PDE4D: variants seen among roughly 807,000 people sequenced by gnomAD.
PDE4D encodes 3',5'-cyclic-AMP phosphodiesterase 4D.
A neutral mutation model predicts 87.4 loss-of-function variants in PDE4D; 24 were observed. That is an observed-to-expected ratio of 0.27 (90% CI 0.20 to 0.39). PDE4D has a LOEUF of 0.39. Ranked by LOEUF, PDE4D falls within the 10% of genes least tolerant of loss-of-function variation. PDE4D has a pLI of 1.00. For missense variants in PDE4D, 714 were observed against 1,041.0 expected (o/e 0.69, Z 4.32); for synonymous variants, 384 against 383.2 (o/e 1.00, Z -0.02).
intron 1 of PDE4D, among the ~76,000 whole-genome samples, chr5:59,358,261 A>T (rs1339867885): frequency 1.3e-5 from 2 of 152,202 alleles, no homozygotes; most frequent in African/African-American, 4.8e-5. Flanking sequence ...GAGCTCAAAG[A>T]AAGTGGGTGA....
At chr5:60,292,914 A>G (rs1166272768) in intron 1 of PDE4D, among the ~76,000 whole-genome samples, 1 of 152,184 alleles carries the variant, frequency 6.6e-6, no homozygotes. Context: ...CTCTATTATG[A>G]CATGGTCCAA....
intron 1 of PDE4D, among the ~76,000 whole-genome samples, chr5:60,253,146 G>A (rs12188020): frequency 1.3e-5 from 2 of 151,824 alleles, no homozygotes; most frequent in African/African-American, 4.8e-5. Flanking sequence ...CAACCAGAAG[G>A]AGCCCACGGT....
chr5:59,892,212 T>G (rs1383668510), intron 1 of PDE4D, among the ~76,000 whole-genome samples: 1 of 152,172 alleles, frequency 6.6e-6, no homozygotes, highest in African/African-American at 2.4e-5. Context: ...TGGAGCTGAC[T>G]CCTCAGAATG....
intron 5 of PDE4D, among the ~76,000 whole-genome samples, chr5:59,111,376 TG>T (rs2153438974): frequency 6.6e-6 from 1 of 152,304 alleles, no homozygotes; most frequent in African/African-American, 2.4e-5. Context: ...GTCAACAAAA[TG>T]CTGGCTTATT....
chr5:60,431,272 C>T (rs1384970535), intron 1 of PDE4D, among the ~76,000 whole-genome samples: 1 of 151,474 alleles, frequency 6.6e-6, no homozygotes, highest in African/African-American at 2.4e-5. Flanking sequence ...CCTCACTTCT[C>T]AGACGGGGCA....
intron 1 of PDE4D, among the ~76,000 whole-genome samples, chr5:59,353,127 C>T (rs1298340603): frequency 5.8e-4 from 89 of 152,260 alleles, no homozygotes; most frequent in Non-Finnish European, 1.0e-4. Context: ...AAACTTGTCA[C>T]ATAAAATGTT....
At chr5:59,386,955 T>C (rs556817531) in intron 1 of PDE4D, among the ~76,000 whole-genome samples, 1 of 152,294 alleles carries the variant, frequency 6.6e-6, no homozygotes. Context: ...TCAAATTGCC[T>C]GCTTACTTAA....
chr5:59,935,280 A>G (rs1756442471), intron 3 of PDE4D, among the ~76,000 whole-genome samples: 1 of 152,142 alleles, frequency 6.6e-6, no homozygotes, highest in Non-Finnish European at 1.5e-5. Context: ...GTCAGAGAAC[A>G]GGATTTGGGC....
chr5:59,217,403 T>C (rs947641327), intron 1 of PDE4D: 5 of 393,118 alleles, frequency 1.3e-5, no homozygotes, highest in Admixed American at 1.2e-4. Flanking sequence ...TAAATAGAGT[T>C]ATGACTCTAA....
chr5:60,132,344 T>C (rs1779659861), intron 2 of PDE4D, among the ~76,000 whole-genome samples: 1 of 152,224 alleles, frequency 6.6e-6, no homozygotes. Flanking sequence ...ACTGTTTTTA[T>C]TTAAAAATTG....
At chr5:60,363,325 A>T (rs1301790251) in intron 1 of PDE4D, among the ~76,000 whole-genome samples, 1 of 152,148 alleles carries the variant, frequency 6.6e-6, no homozygotes, top group Non-Finnish European at 1.5e-5. Context: ...GCTAATTCCA[A>T]CAGTACCATC....
At chr5:60,504,693 A>T (rs906300039) in intron 1 of PDE4D, among the ~76,000 whole-genome samples, 1 of 152,226 alleles carries the variant, frequency 6.6e-6, no homozygotes, top group African/African-American at 2.4e-5. Flanking sequence ...AACAGTCTGC[A>T]TCTTCTTTTT....
chr5:59,391,914 A>G (rs1366647986), intron 1 of PDE4D, among the ~76,000 whole-genome samples: 1 of 149,154 alleles, frequency 6.7e-6, no homozygotes, highest in Non-Finnish European at 1.5e-5. Context: ...TTCCCCATAC[A>G]TATTTTTAAA....
intron 5 of PDE4D, among the ~76,000 whole-genome samples, chr5:59,140,617 G>A (rs4699935): frequency 0.65 from 99,360 of 152,018 alleles, 32,763 homozygotes; most frequent in African/African-American, 0.7. Flanking sequence ...AAGAAGGTTA[G>A]AAACAATTTT....
At chr5:60,170,872 A>C (rs1302795652) in intron 2 of PDE4D, among the ~76,000 whole-genome samples, 9 of 152,036 alleles carry the variant, frequency 5.9e-5, no homozygotes, top group Non-Finnish European at 1.2e-4. Flanking sequence ...TTTAAAGAGG[A>C]GAAAAAGCTG....
At chr5:60,430,202 G>A (rs1044339603) in intron 1 of PDE4D, 2 of 521,594 alleles carry the variant, frequency 3.8e-6, no homozygotes, top group Non-Finnish European at 7.7e-6. Context: ...ATGTTGATGG[G>A]ATATTCTCGG....
chr5:60,324,140 A>G (rs1756561115), intron 1 of PDE4D, among the ~76,000 whole-genome samples: 1 of 152,218 alleles, frequency 6.6e-6, no homozygotes, highest in African/African-American at 2.4e-5. Flanking sequence ...TTAGCACCCA[A>G]CATATTGCAA....
intron 1 of PDE4D, among the ~76,000 whole-genome samples, chr5:59,442,363 A>T (rs563005068): frequency 1.3e-5 from 2 of 152,226 alleles, no homozygotes; most frequent in African/African-American, 4.8e-5. Flanking sequence ...CATAATAGAT[A>T]AACTAGGGAC....
At chr5:59,338,909 A>G (rs1778221894) in intron 1 of PDE4D, among the ~76,000 whole-genome samples, 1 of 152,270 alleles carries the variant, frequency 6.6e-6, no homozygotes. Context: ...AAATAAAAAA[A>G]GTAATTGTAA....
Sources: gnomAD v4.1 joint callset for allele counts (sites outside exome capture counted in the v4.1 genomes callset) on GRCh38, gnomAD v4.1.1 for gene constraint, MANE v1.5 for transcripts, NCBI Gene and HGNC (gene_info 2026-07-23, HGNC 2026-07-21) for gene names.